The following TMPRSS15 variants were observed in gnomAD, a reference collection of about 807,000 sequenced individuals.
TMPRSS15 encodes the protein transmembrane serine protease 15, also known as enteropeptidase.
A neutral mutation model predicts 125.3 loss-of-function variants in TMPRSS15; 128 were observed. The observed-to-expected ratio is 1.02, with a 90% CI of 0.89 to 1.18. The LOEUF (loss-of-function observed/expected upper bound fraction) is 1.18, where lower values mean the gene tolerates loss of function less well. Ranked by LOEUF, TMPRSS15 falls within the 50% of genes most tolerant of loss-of-function variation. The probability of loss-of-function intolerance (pLI) is 0.00; values close to 1 mark genes in which losing one functional copy is unlikely to be tolerated. For synonymous variants in TMPRSS15, 446 were observed against 423.2 expected, an observed-to-expected ratio of 1.05 and a Z score of -0.66; for missense variants, 1,283 against 1,212.7, an observed-to-expected ratio of 1.06 and a Z score of -0.86.
intron 1 of TMPRSS15, among the ~76,000 whole-genome samples, chr21:18,452,170 A>G (rs1237796639): frequency 6.6e-6 from 1 of 152,120 alleles, no homozygotes; most frequent in Admixed American, 6.6e-5. Context: ...GCGAGTACAT[A>G]GAGGTTGGAT....
chr21:18,418,609 T>C (rs924888116), intron 1 of TMPRSS15, among the ~76,000 whole-genome samples: 17 of 152,318 alleles, frequency 1.1e-4, no homozygotes, highest in Non-Finnish European at 2.2e-4. Flanking sequence ...CCCTGCCCAT[T>C]CATCTCTTTG....
chr21:18,473,516 A>G (rs1568737102), intron 1 of TMPRSS15, among the ~76,000 whole-genome samples: 1 of 151,974 alleles, frequency 6.6e-6, no homozygotes, highest in Admixed American at 6.6e-5. Flanking sequence ...ATCCTATAAT[A>G]TTTTACTTTA....
At chr21:18,346,483 C>T (rs1190611685) in intron 10 of TMPRSS15, among the ~76,000 whole-genome samples, 5 of 152,168 alleles carry the variant, frequency 3.3e-5, no homozygotes, top group Admixed American at 2.6e-4. Flanking sequence ...AGTTTAAAGG[C>T]CACTATTACA....
intron 10 of TMPRSS15, among the ~76,000 whole-genome samples, chr21:18,346,823 C>G (rs1450938251): frequency 6.6e-6 from 1 of 152,158 alleles, no homozygotes; most frequent in African/African-American, 2.4e-5. Flanking sequence ...TTCTTATGCA[C>G]AATCAAATTA....
intron 23 of TMPRSS15, among the ~76,000 whole-genome samples, chr21:18,278,585 G>A (rs2074648830): frequency 9.1e-6 from 1 of 109,796 alleles, no homozygotes; most frequent in South Asian, 3.8e-4. Context: ...GCCAGGCATG[G>A]TGGCAGGCGC....
At chr21:18,478,508 C>T (rs1035852513) in intron 1 of TMPRSS15, among the ~76,000 whole-genome samples, 5 of 151,988 alleles carry the variant, frequency 3.3e-5, no homozygotes, top group African/African-American at 9.7e-5. Flanking sequence ...TTCATCGAAA[C>T]TAAGATTTCA....
chr21:18,456,358 A>G lies in TMPRSS15; in HGVS notation c.10+29441T>C, dbSNP rs530242715. The stretch of plus-strand genomic sequence containing the variant: ...AATTTATTTTTATCTAAGAAGTGAA[A>G]TAATTACTCGCATAGGTTCTTAAGT... On this transcript the variant is annotated intron_variant, in intron 1 of 7. Transcript: ENST00000422787. Among the ~76,000 whole-genome samples the G allele has an allele frequency of 6.2e-4, 95 of 152,228 alleles. 1 individual carries two copies. The highest frequency in any genetic ancestry group is 3.4e-3 in the Middle Eastern group (1 of 294).
intron 10 of TMPRSS15, among the ~76,000 whole-genome samples, chr21:18,352,450 G>A (rs1401641896): frequency 6.6e-6 from 1 of 152,014 alleles, no homozygotes. Flanking sequence ...AGGAACATCG[G>A]AGATAACAAA....
At position 18,398,252 on chromosome 21, in the gene TMPRSS15, G is replaced by A; in HGVS notation, c.223C>T (p.Gln75Ter). 1.9e-6 allele frequency: 3 copies of A among 1,613,724 alleles called. No individual in the cohort carries two copies. Among genetic ancestry groups the A allele is most frequent in the Non-Finnish European group, 2.5e-6 (3 of 1,179,746 alleles). Residue 75 changes from glutamine to a stop codon, truncating the protein, a stop_gained, in exon 2 of 25, where the codon CAA becomes TAA. Coordinates refer to ENST00000284885, the MANE Select transcript of TMPRSS15 (RefSeq NM_002772.3). LOFTEE classifies it high-confidence loss of function. The part of the protein sequence containing the change: ...TSGVTYNPNL[Q>*]DKLSVDFKVL... Reference sequence around the variant, plus strand: ...TTGAAATCCACTGAGAGTTTGTCTTGCAAATTAGGATTATATGTAACTCCG... The same window carrying A: ...TTGAAATCCACTGAGAGTTTGTCTTACAAATTAGGATTATATGTAACTCCG...
At chr21:18,434,652 T>C (rs1223755260) in intron 1 of TMPRSS15, among the ~76,000 whole-genome samples, 1 of 152,042 alleles carries the variant, frequency 6.6e-6, no homozygotes, top group African/African-American at 2.4e-5. Context: ...TCTAAAATAT[T>C]TTTTTCTAAT....
At chr21:18,471,048 C>A (rs1277429488) in intron 1 of TMPRSS15, among the ~76,000 whole-genome samples, 1 of 151,922 alleles carries the variant, frequency 6.6e-6, no homozygotes, top group Non-Finnish European at 1.5e-5. Context: ...AAAGATGTCA[C>A]TGAAACACCA....
chr21:18,342,764 T>G (rs1487686374), intron 12 of TMPRSS15, among the ~76,000 whole-genome samples: 1 of 152,170 alleles, frequency 6.6e-6, no homozygotes, highest in Non-Finnish European at 1.5e-5. Context: ...GGAAAACGGT[T>G]GAGAGTCATT....
In TMPRSS15 at chr21:18,367,843, G is replaced by A. The variant is rs563383213; in HGVS notation, c.665-2595C>T. Among the ~76,000 whole-genome samples the A allele has an allele frequency of 1.0e-3, 155 of 152,238 alleles. 1 individual carries two copies. The highest frequency in any genetic ancestry group is 3.5e-3 in the African/African-American group (147 of 41,542). ...AACCATAAGGCCTCCTAGCTTACAA[G>A]CAACAATTTAAAGCAAGGCAGCCTT... On this transcript the variant is annotated intron_variant, in intron 6 of 24. Transcript: ENST00000284885.
intron 10 of TMPRSS15, among the ~76,000 whole-genome samples, chr21:18,347,109 T>G (rs2406176): frequency 0.73 from 110,479 of 151,964 alleles, 40,711 homozygotes; most frequent in East Asian, 0.89. Context: ...CGTATCAATT[T>G]TTTGAGGTCA....
intron 1 of TMPRSS15, among the ~76,000 whole-genome samples, chr21:18,410,972 A>G (rs916492483): frequency 5.3e-5 from 8 of 152,176 alleles, no homozygotes; most frequent in Admixed American, 5.2e-4. Flanking sequence ...TAGTTATTTT[A>G]TCTACACTAT....
intron 22 of TMPRSS15, among the ~76,000 whole-genome samples, chr21:18,280,575 CAAAA>C (rs1230513414): frequency 1.7e-4 from 8 of 48,368 alleles, no homozygotes; most frequent in Admixed American, 2.1e-4. Flanking sequence ...GACTCCGTCT[CAAAA>C]AAAAAAAAAA....
intron 1 of TMPRSS15, among the ~76,000 whole-genome samples, chr21:18,445,306 G>A (rs993847122): frequency 3.3e-5 from 5 of 150,316 alleles, no homozygotes; most frequent in African/African-American, 4.9e-5. Context: ...TCAGCCTCCC[G>A]AATAGCTGAG....
chr21:18,450,825 G>T (rs2076266822), intron 1 of TMPRSS15, among the ~76,000 whole-genome samples: 3 of 152,140 alleles, frequency 2.0e-5, no homozygotes, highest in Admixed American at 2.0e-4. Context: ...ACATCTGTCA[G>T]GTGAAGCAGA....
At chr21:18,381,376 TTA>T (rs1393671385) in intron 4 of TMPRSS15, among the ~76,000 whole-genome samples, 1 of 152,138 alleles carries the variant, frequency 6.6e-6, no homozygotes, top group East Asian at 1.9e-4. Flanking sequence ...GTTAAATTTT[TTA>T]TGTTTGACAG....
Sources: gnomAD v4.1 joint callset for allele counts (sites outside exome capture counted in the v4.1 genomes callset) on GRCh38, gnomAD v4.1.1 for gene constraint, MANE v1.5 for transcripts, NCBI Gene and HGNC (gene_info 2026-07-23, HGNC 2026-07-21) for gene names.